PTCHD4: variants seen among roughly 807,000 people sequenced by gnomAD.
PTCHD4 encodes patched domain containing 4, also known as patched domain-containing protein 4.
Under a neutral mutation model 58.1 loss-of-function variants are expected in PTCHD4, and 33 were observed. That is an observed-to-expected ratio of 0.57 (90% CI 0.43 to 0.76). The LOEUF is 0.76. Ranked by LOEUF, PTCHD4 falls within the 30% of genes least tolerant of loss-of-function variation. PTCHD4 has a pLI of 0.00. For synonymous variants in PTCHD4, 478 were observed against 409.6 expected (o/e 1.17, Z -2.02); for missense variants, 1,058 against 1,027.1 (o/e 1.03, Z -0.41).
chr6:48,089,202 G>A (rs781253455), intron 1 of PTCHD4, among the ~76,000 whole-genome samples: 4 of 152,186 alleles, frequency 2.6e-5, no homozygotes, highest in Non-Finnish European at 4.4e-5. Context: ...TTAAATAGTA[G>A]TGATAGCAGA....
intron 4 of PTCHD4, among the ~76,000 whole-genome samples, chr6:47,986,431 T>C (rs1286117733): frequency 3.9e-5 from 6 of 152,210 alleles, no homozygotes; most frequent in Non-Finnish European, 7.3e-5. Flanking sequence ...ATAGGTGGTA[T>C]ACTTACAAAA....
chr6:47,862,073 A>G lies in PTCHD4; in HGVS notation c.*16230T>C, dbSNP rs1304079360. On this transcript the variant is annotated 3_prime_UTR_variant, in exon 5 of 5. Coordinates refer to ENST00000339488, the MANE Select transcript of PTCHD4 (RefSeq NM_001384253.1). ...CGAATTTAATACAAAAAGAAAATCT[A>G]TTGGAACATTTGGTAAGAGATATTT... Among the ~76,000 whole-genome samples, 1 of 151,918 alleles carries G rather than the reference A, an allele frequency of 6.6e-6. No individual in the cohort carries two copies. Among genetic ancestry groups the G allele is most frequent in the African/African-American group, 2.4e-5 (1 of 41,426 alleles).
intron 1 of PTCHD4, among the ~76,000 whole-genome samples, chr6:48,108,567 C>T (rs958174257): frequency 1.3e-5 from 2 of 151,548 alleles, no homozygotes; most frequent in Non-Finnish European, 2.9e-5. Context: ...CAAACCTGCA[C>T]GTTGTGCATA....
At chr6:47,997,511 C>T (rs1428192476) in intron 4 of PTCHD4, among the ~76,000 whole-genome samples, 1 of 152,086 alleles carries the variant, frequency 6.6e-6, no homozygotes, top group Admixed American at 6.6e-5. Flanking sequence ...GTATCATTGG[C>T]CTGGACCTAG....
intron 4 of PTCHD4, among the ~76,000 whole-genome samples, chr6:47,928,039 T>C (rs557770218): frequency 2.0e-5 from 3 of 152,316 alleles, no homozygotes; most frequent in Admixed American, 2.0e-4. Context: ...ATAAAATACA[T>C]GGTGACAGTT....
chr6:47,989,160 T>C (rs1239074561), intron 4 of PTCHD4, among the ~76,000 whole-genome samples: 1 of 152,190 alleles, frequency 6.6e-6, no homozygotes, highest in Non-Finnish European at 1.5e-5. Flanking sequence ...CACTAGAGAT[T>C]TGTGGAACTT....
intron 4 of PTCHD4, among the ~76,000 whole-genome samples, chr6:47,945,585 T>C (rs1226001675): frequency 6.6e-6 from 1 of 152,042 alleles, no homozygotes; most frequent in Non-Finnish European, 1.5e-5. Context: ...TGCGTGTTAT[T>C]TTCTAAGAAC....
chr6:47,901,697 A>C (rs1764710265), intron 4 of PTCHD4: 4 of 1,152,564 alleles, frequency 3.5e-6, no homozygotes, highest in East Asian at 6.1e-5. Flanking sequence ...CTTAACCTCC[A>C]AAAAATAGAG....
intron 3 of PTCHD4, among the ~76,000 whole-genome samples, chr6:48,032,594 G>T (rs898892529): frequency 2.0e-5 from 3 of 152,008 alleles, no homozygotes; most frequent in African/African-American, 4.8e-5. Flanking sequence ...ATAACATATT[G>T]TATTAAGAAT....
chr6:48,048,347 A>G (rs1264289299), intron 3 of PTCHD4, among the ~76,000 whole-genome samples: 1 of 152,008 alleles, frequency 6.6e-6, no homozygotes, highest in Admixed American at 6.6e-5. Context: ...CCCATTTTCC[A>G]TGATTATCTT....
At chr6:47,972,394 A>G (rs1767547168) in intron 4 of PTCHD4, among the ~76,000 whole-genome samples, 2 of 152,324 alleles carry the variant, frequency 1.3e-5, no homozygotes, top group Admixed American at 1.3e-4. Context: ...ATAAAAAAGT[A>G]TACCAATTTC....
chr6:48,098,619 G>C (rs574050408), intron 1 of PTCHD4, among the ~76,000 whole-genome samples: 2 of 152,160 alleles, frequency 1.3e-5, no homozygotes, highest in Non-Finnish European at 2.9e-5. Context: ...GATTACAGGC[G>C]TGGGCCACTG....
Position 48,087,148 on chromosome 6 carries a change from G to A in PTCHD4, c.-969-17222C>T, listed in dbSNP as rs575791574. On this transcript the variant is annotated intron_variant, in intron 1 of 4. Coordinates refer to ENST00000339488, the MANE Select transcript of PTCHD4 (RefSeq NM_001384253.1). ...TTTGTCTGTGCAGTAATGTGACATG[G>A]CATTTGTTTCAGGACAGGTCTAGCC... 1.1e-4 allele frequency among the ~76,000 whole-genome samples: 17 copies of A among 152,178 alleles called. No homozygotes were observed. In the South Asian group the frequency reaches 2.5e-3, roughly 22 times the overall value.
intron 1 of PTCHD4, among the ~76,000 whole-genome samples, chr6:48,104,638 T>C (rs192683643): frequency 3.9e-5 from 6 of 152,244 alleles, no homozygotes; most frequent in African/African-American, 1.4e-4. Context: ...AATGCTCCAA[T>C]TAAAAGGCAC....
chr6:48,006,459 AC>A (rs1484613507), intron 4 of PTCHD4, among the ~76,000 whole-genome samples: 17 of 152,316 alleles, frequency 1.1e-4, no homozygotes, highest in African/African-American at 3.8e-4. Flanking sequence ...TTAGAAAGCA[AC>A]CCTGGAAAGC....
chr6:48,103,882 G>A lies in PTCHD4; in HGVS notation c.-970+7167C>T, dbSNP rs542693386. On this transcript the variant is annotated intron_variant, in intron 1 of 4. Transcript: ENST00000339488. ...GAAGATGAAATGAATGAAATGAAGTGTGAAGAGAAGTTTAGAGGAAAAAGA... is the reference window on the plus strand; with the variant it reads ...GAAGATGAAATGAATGAAATGAAGTATGAAGAGAAGTTTAGAGGAAAAAGA... 1.5e-3 allele frequency among the ~76,000 whole-genome samples: 226 copies of A among 152,266 alleles called. 4 individuals are homozygous for A. The South Asian group carries it at 0.039, about 26-fold the overall frequency.
rs1011587815 is a variant in PTCHD4, at chr6:47,867,560, C to T, written c.*10743G>A. ...GCTTTATAATACCACTCACAATGGG[C>T]GCTTCCTTTTTATTCCCATCTGTAA... is the stretch of plus-strand genomic sequence containing the variant. On this transcript the variant is annotated 3_prime_UTR_variant, in exon 5 of 5. Transcript: ENST00000339488. Among the ~76,000 whole-genome samples, 7 of 151,800 alleles carry T rather than the reference C, an allele frequency of 4.6e-5. No individual in the cohort carries two copies. The highest frequency in any genetic ancestry group is 7.2e-5 in the African/African-American group (3 of 41,466).
chr6:48,008,383 G>C (rs190829620), intron 4 of PTCHD4, among the ~76,000 whole-genome samples: 71 of 152,116 alleles, frequency 4.7e-4, no homozygotes, highest in Non-Finnish European at 8.7e-4. Flanking sequence ...GATCTGAGTA[G>C]AGAATTCCAA....
At chr6:47,920,424 G>T (rs1208792379) in intron 4 of PTCHD4, among the ~76,000 whole-genome samples, 1 of 152,002 alleles carries the variant, frequency 6.6e-6, no homozygotes, top group African/African-American at 2.4e-5. Context: ...GCAGAGTGAG[G>T]GGAATTAAGC....
Sources: gnomAD v4.1 joint callset for allele counts (sites outside exome capture counted in the v4.1 genomes callset) on GRCh38, gnomAD v4.1.1 for gene constraint, MANE v1.5 for transcripts, NCBI Gene and HGNC (gene_info 2026-07-23, HGNC 2026-07-21) for gene names.